Variants in ST7 observed in about 807,000 individuals in gnomAD.
The protein encoded by ST7 is suppressor of tumorigenicity 7 protein.
Under a neutral mutation model 78.7 loss-of-function variants are expected in ST7, and 28 were observed. The observed-to-expected ratio is 0.36, with a 90% CI of 0.26 to 0.49. ST7 has a LOEUF of 0.49. ST7 is among the 20% of genes least tolerant of loss of function. The pLI, the probability that ST7 is intolerant of heterozygous loss-of-function variation, is 0.99. For missense variants in ST7, 418 were observed against 696.0 expected, an observed-to-expected ratio of 0.60 and a Z score of 4.49; for synonymous variants, 247 against 249.6, an observed-to-expected ratio of 0.99 and a Z score of 0.10.
intron 1 of ST7, among the ~76,000 whole-genome samples, chr7:116,993,032 T>A (rs1482890804): frequency 6.6e-6 from 1 of 152,218 alleles, no homozygotes; most frequent in African/African-American, 2.4e-5. Flanking sequence ...CATATCGCTA[T>A]CAGCATTTTG....
chr7:117,062,315 C>T (rs545566904), intron 1 of ST7, among the ~76,000 whole-genome samples: 25 of 152,200 alleles, frequency 1.6e-4, no homozygotes, highest in Non-Finnish European at 2.4e-4. Context: ...GAATGCAATT[C>T]AGTCCATAAT....
chr7:117,046,387 G>T (rs1322485343), intron 1 of ST7, among the ~76,000 whole-genome samples: 1 of 152,144 alleles, frequency 6.6e-6, no homozygotes, highest in Non-Finnish European at 1.5e-5. Flanking sequence ...TCACACCTCT[G>T]CAAAGTGTTT....
At chr7:117,099,283 G>A (rs949394996) in intron 1 of ST7, among the ~76,000 whole-genome samples, 1 of 151,826 alleles carries the variant, frequency 6.6e-6, no homozygotes, top group African/African-American at 2.4e-5. Context: ...CTTCTTAGGG[G>A]TAACCATAGT....
At chr7:116,989,410 A>T (rs945867223) in intron 1 of ST7, among the ~76,000 whole-genome samples, 1 of 152,152 alleles carries the variant, frequency 6.6e-6, no homozygotes, top group Non-Finnish European at 1.5e-5. Flanking sequence ...GGTATCATTT[A>T]TATATGAAGA....
chr7:117,210,311 C>G (rs1328376026), intron 13 of ST7, among the ~76,000 whole-genome samples: 1 of 152,160 alleles, frequency 6.6e-6, no homozygotes, highest in Non-Finnish European at 1.5e-5. Context: ...TTCTTGATGG[C>G]CTTTGTGGGA....
intron 1 of ST7, among the ~76,000 whole-genome samples, chr7:117,066,880 T>C (rs1198748817): frequency 6.6e-6 from 1 of 151,630 alleles, no homozygotes. Context: ...AGAAAGAGAC[T>C]CTATACCCAT....
chr7:117,215,900 G>A (rs897826165), intron 13 of ST7, among the ~76,000 whole-genome samples: 7 of 151,802 alleles, frequency 4.6e-5, no homozygotes, highest in African/African-American at 9.7e-5. Context: ...ATTCAAACTC[G>A]GTTCCCTCTG....
At chr7:117,229,266 G>A (rs949300711) in intron 15 of ST7, among the ~76,000 whole-genome samples, 1 of 152,204 alleles carries the variant, frequency 6.6e-6, no homozygotes, top group Admixed American at 6.5e-5. Context: ...AGGAGCCCAC[G>A]CTGGTGTCTG....
chr7:116,960,452 G>T (rs1792768142), intron 1 of ST7, among the ~76,000 whole-genome samples: 3 of 152,168 alleles, frequency 2.0e-5, no homozygotes, highest in Admixed American at 2.0e-4. Flanking sequence ...GCCTCCCAGA[G>T]TGCTGGAATT....
rs147947662 is a variant in ST7 at position 117,010,790 on chromosome 7, T to C, written c.151+57099T>C. ...TTTGGAAATGCGATGTAAGATATTA[T>C]GATAAAGCTGTGATTTTCTGATTTA... On this transcript the variant is annotated intron_variant, in intron 1 of 15. Transcript: ENST00000323984. 2.8e-4 allele frequency among the ~76,000 whole-genome samples: 42 copies of C among 152,362 alleles called. No homozygotes were observed. In the East Asian group the frequency reaches 6.9e-3, roughly 25 times the overall value.
chr7:117,180,733 T>C (rs189142877), intron 10 of ST7, among the ~76,000 whole-genome samples: 10 of 152,298 alleles, frequency 6.6e-5, no homozygotes, highest in African/African-American at 2.4e-4. Flanking sequence ...CACTGCAGTC[T>C]CAACTTCCCA....
chr7:117,138,101 C>A (rs147662341), intron 8 of ST7, among the ~76,000 whole-genome samples: 1 of 152,230 alleles, frequency 6.6e-6, no homozygotes, highest in South Asian at 2.1e-4. Context: ...CTGAGATTCA[C>A]CTCTGCATCT....
chr7:116,958,337 T>C (rs1370689600), intron 1 of ST7, among the ~76,000 whole-genome samples: 1 of 152,034 alleles, frequency 6.6e-6, no homozygotes, highest in Non-Finnish European at 1.5e-5. Context: ...AGCTCATGAA[T>C]ACAGATGTAA....
intron 1 of ST7, among the ~76,000 whole-genome samples, chr7:117,063,070 A>T (rs1433403691): frequency 6.6e-6 from 1 of 152,272 alleles, no homozygotes; most frequent in Non-Finnish European, 1.5e-5. Flanking sequence ...TTTTTTAAGC[A>T]TACGGATATT....
intron 9 of ST7, among the ~76,000 whole-genome samples, chr7:117,161,203 A>G (rs1451288055): frequency 2.0e-5 from 3 of 152,170 alleles, no homozygotes; most frequent in African/African-American, 7.2e-5. Flanking sequence ...AAAATAAGAA[A>G]ACAAATCAAG....
At chr7:116,976,712 T>G (rs950669552) in intron 1 of ST7, among the ~76,000 whole-genome samples, 3 of 152,212 alleles carry the variant, frequency 2.0e-5, no homozygotes, top group African/African-American at 7.2e-5. Context: ...CTGGCAATGA[T>G]GTGGATTAGA....
chr7:117,131,136 C>A (rs1371969803), intron 5 of ST7, among the ~76,000 whole-genome samples: 1 of 151,530 alleles, frequency 6.6e-6, no homozygotes. Context: ...GATAATTCAA[C>A]TGAAATTTTT....
intron 1 of ST7, chr7:117,074,039 C>T (rs775594017): frequency 6.6e-6 from 1 of 152,078 alleles, no homozygotes; most frequent in Non-Finnish European, 1.5e-5. Context: ...ACTGGTTGTT[C>T]TATATGTTTG....
chr7:116,981,505 A>T (rs1442455245), intron 1 of ST7, among the ~76,000 whole-genome samples: 1 of 152,032 alleles, frequency 6.6e-6, no homozygotes, highest in East Asian at 1.9e-4. Flanking sequence ...GTAGCAAATG[A>T]TTTTTCTTGG....
Sources: gnomAD v4.1 joint callset for allele counts (sites outside exome capture counted in the v4.1 genomes callset) on GRCh38, gnomAD v4.1.1 for gene constraint, MANE v1.5 for transcripts, NCBI Gene and HGNC (gene_info 2026-07-23, HGNC 2026-07-21) for gene names.